The following PRDX4 variants were observed in gnomAD, a reference collection of about 807,000 sequenced individuals.
PRDX4 encodes peroxiredoxin 4.
In PRDX4, 12 loss-of-function variants were observed where a neutral mutation model predicts 20.5. The ratio of observed to expected loss-of-function variants is 0.58; its 90% CI spans 0.37 to 0.95. The LOEUF (loss-of-function observed/expected upper bound fraction) is 0.95. Ranked by LOEUF, PRDX4 falls within the 40% of genes least tolerant of loss-of-function variation. The pLI is 0.01. For missense variants in PRDX4, 180 were observed against 207.3 expected, an observed-to-expected ratio of 0.87 and a Z score of 0.81; for synonymous variants, 99 against 87.5, an observed-to-expected ratio of 1.13 and a Z score of -0.73.
chrX:23,667,737 G>A lies in PRDX4; in HGVS notation c.167G>A (p.Gly56Asp). ...TREEECHFYA[G>D]GQVYPGEASR... The stretch of plus-strand genomic sequence containing the variant: ...GAAGAGGAGTGCCACTTCTACGCGG[G>A]TGGACAAGTGTACCCGGGAGAGGCA... Residue 56 changes from glycine (G) to aspartate (D), a missense_variant, in exon 1 of 7, where the codon GGT (glycine) becomes GAT (aspartate). By Grantham distance (94) the Gly-to-Asp change is moderately conservative (BLOSUM62 -1). Coordinates refer to ENST00000379341, the MANE Select transcript of PRDX4 (RefSeq NM_006406.2). 8.3e-7 allele frequency: 1 copy of A among 1,211,879 alleles called. No individual in the cohort carries two copies. The highest frequency in any genetic ancestry group is 1.1e-6 in the Non-Finnish European group (1 of 895,513).
At chrX:23,676,804 A>T (rs1478033376) in intron 3 of PRDX4, among the ~76,000 whole-genome samples, 1 of 108,974 alleles carries the variant, frequency 9.2e-6, no homozygotes, top group African/African-American at 3.3e-5. Context: ...AAAAAAAAAA[A>T]AAATTAAAAT....
chrX:23,677,997 G>T (rs1380334810), intron 3 of PRDX4, among the ~76,000 whole-genome samples: 2 of 112,241 alleles, frequency 1.8e-5, no homozygotes, highest in Non-Finnish European at 1.9e-5. Context: ...CCCCAGCCGG[G>T]CACAGTGGCC....
At chrX:23,674,841 A>ACTACTCCATTAAAT in intron 2 of PRDX4, 149 bp from the exon 3 acceptor site, 1 of 759,707 alleles carries the variant, frequency 1.3e-6, no homozygotes, top group Non-Finnish European at 1.8e-6. Context: ...ACAGTCTTTT[A>ACTACTCCATTAAAT]GACTACTCCA....
chrX:23,685,965 T>C (rs1299562632), intron 6 of PRDX4: 1 of 333,188 alleles, frequency 3.0e-6, no homozygotes, highest in Admixed American at 4.2e-5. Flanking sequence ...CATTAACATC[T>C]GTAGCCATGC....
At chrX:23,673,667 A>C (rs1272823266) in intron 2 of PRDX4, among the ~76,000 whole-genome samples, 1 of 109,637 alleles carries the variant, frequency 9.1e-6, no homozygotes, top group East Asian at 2.8e-4. Context: ...GAGGCAGGAG[A>C]ATTGCTTGAA....
intron 3 of PRDX4, among the ~76,000 whole-genome samples, chrX:23,678,586 C>T (rs1296285973): frequency 3.6e-5 from 4 of 109,618 alleles, no homozygotes; most frequent in Non-Finnish European, 3.8e-5. Context: ...ACCGAGATCA[C>T]GCTGCTGCAC....
intron 3 of PRDX4, among the ~76,000 whole-genome samples, chrX:23,676,768 G>A (rs1020523944): frequency 2.1e-4 from 21 of 99,374 alleles, no homozygotes; most frequent in Non-Finnish European, 2.2e-4. Flanking sequence ...CTTCAGCCTG[G>A]GCAATAGAGT....
chrX:23,675,999 G>A (rs1927938581), intron 3 of PRDX4, among the ~76,000 whole-genome samples: 2 of 109,589 alleles, frequency 1.8e-5, no homozygotes, highest in South Asian at 7.9e-4. Flanking sequence ...GTGGTAGCAG[G>A]TGCCTGTAAT....
Position 23,683,815 on chromosome X carries a change from C to T in PRDX4, c.765+110C>T, listed in dbSNP as rs141506839. The T allele has an allele frequency of 2.8e-3, 1,579 of 564,260 alleles. 33 individuals are homozygous for T. In the East Asian group the frequency reaches 0.063, roughly 22 times the overall value. 46.5% of individuals were successfully genotyped at this position (564,260 alleles called of 1,213,427 possible). On this transcript the variant is annotated intron_variant, in intron 6 of 6. Transcript: ENST00000379341. ...ATCCCAGCACTTTGGGAGGCTGAGGCGGGCAGATCACGAGGTCAGGAGATG... is the reference window on the plus strand; with the variant it reads ...ATCCCAGCACTTTGGGAGGCTGAGGTGGGCAGATCACGAGGTCAGGAGATG...
chrX:23,680,027 G>A (rs979064197), intron 4 of PRDX4, among the ~76,000 whole-genome samples: 3 of 112,426 alleles, frequency 2.7e-5, no homozygotes, highest in Non-Finnish European at 5.6e-5. Context: ...TGTTCTATTA[G>A]TCTTTAAACT....
Position 23,676,343 on chromosome X carries a change from A to G in PRDX4, c.476+1237A>G, listed in dbSNP as rs183652131. Among the ~76,000 whole-genome samples the G allele has an allele frequency of 1.9e-3, 209 of 110,930 alleles. 2 individuals are homozygous for G. The highest frequency in any genetic ancestry group is 2.0e-3 in the Non-Finnish European group (107 of 53,036). On this transcript the variant is annotated intron_variant, in intron 3 of 6. Transcript: ENST00000379341. Reference sequence around the variant, plus strand: ...AATTAATTCCCATAAGTATTTTTAAATGCAGTTATATATTTAATATATTTG... The same window carrying G: ...AATTAATTCCCATAAGTATTTTTAAGTGCAGTTATATATTTAATATATTTG...
chrX:23,686,017 A>G (rs1485371574), intron 6 of PRDX4: 3 of 424,865 alleles, frequency 7.1e-6, no homozygotes, highest in Non-Finnish European at 4.4e-6. Context: ...ACCTGAAGAT[A>G]CCATGAAAGC....
intron 2 of PRDX4, among the ~76,000 whole-genome samples, chrX:23,673,865 G>C (rs1464531395): frequency 6.4e-5 from 7 of 109,912 alleles, no homozygotes; most frequent in African/African-American, 2.0e-4. Flanking sequence ...GATTAGAACT[G>C]TCTACTTGGA....
chrX:23,681,742 T>C (rs896919775), intron 4 of PRDX4, among the ~76,000 whole-genome samples: 2 of 112,376 alleles, frequency 1.8e-5, no homozygotes, highest in Non-Finnish European at 3.8e-5. Flanking sequence ...AGTTTCTTTT[T>C]AAAATTTTTT....
At position 23,682,244 on chromosome X, in the gene PRDX4, CGTGTGT is replaced by C. The variant is rs9331476; in HGVS notation, c.600-135_600-130del. The C allele has an allele frequency of 8.0e-3, 1,393 of 175,183 alleles. 1 individual carries two copies. The highest frequency in any genetic ancestry group is 0.01 in the Non-Finnish European group (957 of 94,683). The allele number at this position is 175,183 out of a possible 1,213,427, so 14.4% of individuals were successfully genotyped here. On this transcript the variant is annotated intron_variant, in intron 4 of 6. Transcript: ENST00000379341. ...GGAGGGATGTCCACAGGTGTGTGTA[CGTGTGT>C]GTGTGTGTGTGTGTGTATACCATTG... is the stretch of plus-strand genomic sequence containing the variant.
chrX:23,680,980 A>T (rs1040495685), intron 4 of PRDX4, among the ~76,000 whole-genome samples: 10 of 112,052 alleles, frequency 8.9e-5, no homozygotes, highest in Non-Finnish European at 1.3e-4. Context: ...CTGTAATCCC[A>T]GCACTTTGGG....
intron 6 of PRDX4, among the ~76,000 whole-genome samples, chrX:23,685,352 C>G (rs1241301304): frequency 2.7e-5 from 3 of 112,065 alleles, no homozygotes; most frequent in South Asian, 3.7e-4. Flanking sequence ...GCTTCTTAAG[C>G]TGCTGCTTAA....
At chrX:23,675,326 TA>T in intron 3 of PRDX4, 2 of 691,563 alleles carry the variant, frequency 2.9e-6, no homozygotes, top group Non-Finnish European at 4.1e-6. Flanking sequence ...TTAAGGATTT[TA>T]TAGGACATTT....
At chrX:23,673,551 T>C (rs1601789868) in intron 2 of PRDX4, among the ~76,000 whole-genome samples, 1 of 111,905 alleles carries the variant, frequency 8.9e-6, no homozygotes, top group Non-Finnish European at 1.9e-5. Flanking sequence ...TCAGGAGTTC[T>C]AGACCAGCCT....
Sources: allele counts gnomAD v4.1 joint callset (sites outside exome capture counted in the v4.1 genomes callset), GRCh38; gene constraint gnomAD v4.1.1; transcripts MANE v1.5; gene names NCBI Gene and HGNC (gene_info 2026-07-23, HGNC 2026-07-21).